Variants in PRKN observed in about 807,000 individuals in gnomAD.
PRKN encodes parkin RBR E3 ubiquitin protein ligase, also known as E3 ubiquitin-protein ligase parkin.
A neutral mutation model predicts 59.5 loss-of-function variants in PRKN; 56 were observed. The ratio of observed to expected loss-of-function variants is 0.94; its 90% CI spans 0.76 to 1.18. The LOEUF (loss-of-function observed/expected upper bound fraction) is 1.18. Among genes scored for constraint, PRKN ranks in the 50% most tolerant of loss-of-function variants. The probability of loss-of-function intolerance (pLI) is 0.00; values close to 1 mark genes in which losing one functional copy is unlikely to be tolerated. For missense variants in PRKN, 657 were observed against 596.4 expected (o/e 1.10, Z -1.06); for synonymous variants, 250 against 222.1 (o/e 1.13, Z -1.12).
At chr6:162,320,328 G>A (rs1782939224) in intron 2 of PRKN, among the ~76,000 whole-genome samples, 1 of 114,434 alleles carries the variant, frequency 8.7e-6, no homozygotes, top group Non-Finnish European at 1.7e-5. Context: ...ACCCAGTAGT[G>A]GAATTTTAAA....
rs542462879 is a variant in PRKN at position 161,379,126 on chromosome 6, G to T, written c.1167+7668C>A. On this transcript the variant is annotated intron_variant, in intron 10 of 11. Transcript: ENST00000366898. The surrounding 1 kb of genome is among the most constrained non-coding windows in gnomAD (Gnocchi z 4.9). ...ATAGAATGGGGTATTTAAATGGGAA[G>T]AATGCATTTGGCACCCAGGTGGTTC... 1.1e-4 allele frequency among the ~76,000 whole-genome samples: 16 copies of T among 152,272 alleles called. 1 individual carries two copies. In the South Asian group the frequency reaches 3.3e-3, roughly 32 times the overall value.
chr6:161,777,683 A>AAT (rs202055318), intron 7 of PRKN, among the ~76,000 whole-genome samples: 42 of 143,418 alleles, frequency 2.9e-4, no homozygotes, highest in Non-Finnish European at 4.4e-4. Flanking sequence ...ATATATATAT[A>AAT]ATATATATAT....
chr6:162,202,589 A>C lies in PRKN; in HGVS notation c.413-1337T>G, dbSNP rs916429100. Among the ~76,000 whole-genome samples, 3 of 152,210 alleles carry C rather than the reference A, an allele frequency of 2.0e-5. No individual in the cohort carries two copies. In the East Asian group the frequency reaches 5.8e-4, roughly 29 times the overall value. On this transcript the variant is annotated intron_variant, in intron 3 of 11. Transcript: ENST00000366898. ...TACTATTTTCTGACACTTCTGTGTA[A>C]CTTTAATGCCCTAATGTACAACATA...
At chr6:161,504,120 G>T (rs528061) in intron 9 of PRKN, among the ~76,000 whole-genome samples, 120,699 of 151,802 alleles carry the variant, frequency 0.8, 48,249 homozygotes, top group Middle Eastern at 0.87. Context: ...TATAGTTAGA[G>T]GTCAAAAAGC....
At chr6:162,329,284 G>T (rs535618651) in intron 2 of PRKN, among the ~76,000 whole-genome samples, 1 of 152,162 alleles carries the variant, frequency 6.6e-6, no homozygotes, top group East Asian at 1.9e-4. Flanking sequence ...TTGAGCCAAG[G>T]TCTGGACCCT....
chr6:162,716,759 C>T (rs1032502476), intron 1 of PRKN, among the ~76,000 whole-genome samples: 4 of 144,736 alleles, frequency 2.8e-5, no homozygotes, highest in African/African-American at 1.1e-4. Flanking sequence ...TACCCGCCTG[C>T]GCGCGCGCGC....
intron 7 of PRKN, among the ~76,000 whole-genome samples, chr6:161,580,449 G>A (rs957494281): frequency 1.3e-5 from 2 of 152,016 alleles, no homozygotes; most frequent in Admixed American, 6.6e-5. Context: ...ACTTACATAA[G>A]AAATTCATTT....
rs1293683028 is a variant in PRKN, at chr6:161,451,272, A to G, written c.1084-64395T>C. 6.6e-6 allele frequency among the ~76,000 whole-genome samples: 1 copy of G among 152,138 alleles called. No homozygotes were observed. The highest frequency in any genetic ancestry group is 2.4e-5 in the African/African-American group (1 of 41,422). Reference sequence around the variant, plus strand: ...CTACCGTCATCTCATTTCCAGATAAAACACCTCCAGTTTCTTCAATGACTT... The same window carrying G: ...CTACCGTCATCTCATTTCCAGATAAGACACCTCCAGTTTCTTCAATGACTT... On this transcript the variant is annotated intron_variant, in intron 9 of 11. Transcript: ENST00000366898. The surrounding 1 kb of genome is among the most constrained non-coding windows in gnomAD (Gnocchi z 5.9).
rs1173683430 is a variant in PRKN at position 162,056,372 on chromosome 6, C to A, written c.535-2198G>T. On this transcript the variant is annotated intron_variant, in intron 4 of 11. Coordinates refer to ENST00000366898, the MANE Select transcript of PRKN (RefSeq NM_004562.3). The surrounding 1 kb of genome is among the most constrained non-coding windows in gnomAD (Gnocchi z 4.9). ...GGCATACACATACTACATACACTCA[C>A]ACACTCATGCATGCACACACGCACT... is the stretch of plus-strand genomic sequence containing the variant. 2.0e-5 allele frequency among the ~76,000 whole-genome samples: 3 copies of A among 151,792 alleles called. No homozygotes were observed. Among genetic ancestry groups the A allele is most frequent in the Admixed American group, 1.3e-4 (2 of 15,212 alleles).
chr6:161,949,160 C>A (rs893609962), intron 6 of PRKN, among the ~76,000 whole-genome samples: 1 of 152,178 alleles, frequency 6.6e-6, no homozygotes. Context: ...CTGTTCCCTG[C>A]CCAGAGCCAC....
At chr6:162,132,861 T>C (rs1031689651) in intron 4 of PRKN, among the ~76,000 whole-genome samples, 1 of 152,072 alleles carries the variant, frequency 6.6e-6, no homozygotes, top group Non-Finnish European at 1.5e-5. Context: ...GGCTTAGAGC[T>C]GAGATTTAAA....
rs151181630 is a variant in PRKN, at chr6:162,052,143, A to G, written c.618+1948T>C. Among the ~76,000 whole-genome samples the G allele has an allele frequency of 1.9e-3, 284 of 152,212 alleles. 2 individuals carry two copies. Among genetic ancestry groups the G allele is most frequent in the African/African-American group, 6.6e-3 (273 of 41,546 alleles). On this transcript the variant is annotated intron_variant, in intron 5 of 11. Coordinates refer to ENST00000366898, the MANE Select transcript of PRKN (RefSeq NM_004562.3). Reference sequence around the variant, plus strand: ...AAGTTCTCTTTTATTTTTTAAATCTATTATGTTCTGGCTGCATTTAGGATA... The same window carrying G: ...AAGTTCTCTTTTATTTTTTAAATCTGTTATGTTCTGGCTGCATTTAGGATA...
chr6:162,370,315 AT>A (rs906248924), intron 2 of PRKN, among the ~76,000 whole-genome samples: 57 of 151,658 alleles, frequency 3.8e-4, no homozygotes, highest in African/African-American at 8.9e-4. Context: ...GAATTCAGAG[AT>A]TTTTTTTTAA....
intron 6 of PRKN, among the ~76,000 whole-genome samples, chr6:161,968,832 C>A (rs896456383): frequency 6.6e-6 from 1 of 151,916 alleles, no homozygotes. Flanking sequence ...AGACAGTAAA[C>A]TGTATATTTA....
intron 9 of PRKN, among the ~76,000 whole-genome samples, chr6:161,531,825 G>A (rs561413891): frequency 6.6e-6 from 1 of 152,244 alleles, no homozygotes; most frequent in African/African-American, 2.4e-5. Context: ...CCAGGCTTGG[G>A]AAATGGAGGT....
At chr6:162,605,750 T>C (rs937808226) in intron 1 of PRKN, among the ~76,000 whole-genome samples, 1 of 152,154 alleles carries the variant, frequency 6.6e-6, no homozygotes, top group Non-Finnish European at 1.5e-5. Context: ...AAAACAAATA[T>C]GTCAAAATGA....
rs1369771711 is a variant in PRKN, at chr6:161,545,144, T to C, written c.1083+3710A>G. 1 of 1,291,206 alleles carries C rather than the reference T, an allele frequency of 7.7e-7. No individual in the cohort carries two copies. Among genetic ancestry groups the C allele is most frequent in the Non-Finnish European group, 9.8e-7 (1 of 1,021,428 alleles). The allele number at this position is 1,291,206 out of a possible 1,614,324, so 80.0% of individuals were successfully genotyped here. On this transcript the variant is annotated intron_variant, in intron 9 of 11. Coordinates refer to ENST00000366898, the MANE Select transcript of PRKN (RefSeq NM_004562.3). This position sits in a 1 kb window ranked among gnomAD's most constrained non-coding sequence, Gnocchi z 4.1. ...TTTCAACTTTTTTATACGCGATTTT[T>C]TTTGTAACAGCTAACATTTCTTGCA...
At chr6:161,366,297 G>C (rs1170896620) in intron 10 of PRKN, among the ~76,000 whole-genome samples, 1 of 152,134 alleles carries the variant, frequency 6.6e-6, no homozygotes, top group Non-Finnish European at 1.5e-5. Flanking sequence ...ATGGGCAGCA[G>C]CGTGGGTTAA....
At position 162,574,767 on chromosome 6, in the gene PRKN, G is replaced by GTTTTTT. The variant is rs11319727; in HGVS notation, c.8-131300_8-131295dup. ...CAACAGCAGTGAATGATACTAAGTT[G>GTTTTTT]TTTTTTTTTTTTGCTGATTTGATAG... is the stretch of plus-strand genomic sequence containing the variant. On this transcript the variant is annotated intron_variant, in intron 1 of 11. Coordinates refer to ENST00000366898, the MANE Select transcript of PRKN (RefSeq NM_004562.3). Among the ~76,000 whole-genome samples the GTTTTTT allele has an allele frequency of 1.5e-5, 2 of 133,548 alleles. 1 individual carries two copies. Among genetic ancestry groups the GTTTTTT allele is most frequent in the Non-Finnish European group, 3.1e-5 (2 of 64,386 alleles). The allele number at this position is 133,548 out of a possible 152,430, so 87.6% of individuals were successfully genotyped here.
Sources: gnomAD v4.1 joint callset for allele counts (sites outside exome capture counted in the v4.1 genomes callset) on GRCh38, gnomAD v4.1.1 for gene constraint, Gnocchi (gnomAD v3.1) non-coding constraint, MANE v1.5 for transcripts, NCBI Gene and HGNC (gene_info 2026-07-23, HGNC 2026-07-21) for gene names.